The following HEATR4 variants were observed in gnomAD, a reference collection of about 807,000 sequenced individuals.
HEATR4 encodes the protein HEAT repeat-containing protein 4.
A neutral mutation model predicts 108.8 loss-of-function variants in HEATR4; 95 were observed. That is an observed-to-expected ratio of 0.87 (90% CI 0.74 to 1.04). The LOEUF is 1.04. HEATR4 is among the 50% of genes least tolerant of loss of function. The pLI is 0.00. For missense variants in HEATR4, 1,152 were observed against 1,253.8 expected, an observed-to-expected ratio of 0.92 and a Z score of 1.23; for synonymous variants, 443 against 459.4, an observed-to-expected ratio of 0.96 and a Z score of 0.46.
the HEATR4 span, chr14:73,593,957 G>C: frequency 6.7e-7 from 1 of 1,493,366 alleles, no homozygotes; most frequent in African/African-American, 1.4e-5. Context: ...TTTCCATAGA[G>C]AGTGTAACCT....
chr14:73,491,916 G>C, intron 17 of HEATR4: 1 of 1,613,220 alleles, frequency 6.2e-7, no homozygotes, highest in Non-Finnish European at 8.5e-7. Flanking sequence ...CGTCTCCTCT[G>C]TCCGCAGGCT....
At chr14:73,593,902 C>T in the HEATR4 span, 1 of 1,610,468 alleles carries the variant, frequency 6.2e-7, no homozygotes, top group Non-Finnish European at 8.5e-7. Flanking sequence ...TCAACATCCC[C>T]AGGTTCTCCT....
chr14:73,619,926 T>C, the HEATR4 span: 4 of 1,434,268 alleles, frequency 2.8e-6, no homozygotes, highest in Non-Finnish European at 3.7e-6. Flanking sequence ...TCTCTTTTTT[T>C]TTTTTTTTCC....
the HEATR4 span, among the ~76,000 whole-genome samples, chr14:73,598,371 C>A: frequency 7.1e-6 from 1 of 141,372 alleles, no homozygotes; most frequent in African/African-American, 2.6e-5. Flanking sequence ...GCCTGGGCGA[C>A]AGAGCAAGAC....
chr14:73,506,659 C>T, intron 9 of HEATR4, 88 bp from the exon 10 acceptor site: 3 of 995,128 alleles, frequency 3.0e-6, no homozygotes, highest in Non-Finnish European at 4.7e-6. Flanking sequence ...TGGCATCCTG[C>T]ATAATTAATG....
At chr14:73,566,887 T>G in the HEATR4 span, among the ~76,000 whole-genome samples, 2 of 152,144 alleles carry the variant, frequency 1.3e-5, no homozygotes, top group Non-Finnish European at 2.9e-5. Context: ...TCTCACAAGC[T>G]CCACCTCTGG....
the HEATR4 span, among the ~76,000 whole-genome samples, chr14:73,609,042 T>C: frequency 6.6e-6 from 1 of 152,168 alleles, no homozygotes; most frequent in Non-Finnish European, 1.5e-5. Flanking sequence ...CATATGGGGA[T>C]TATGGGAACT....
At chr14:73,528,646 C>T (rs1288383137) in intron 2 of HEATR4, among the ~76,000 whole-genome samples, 1 of 152,046 alleles carries the variant, frequency 6.6e-6, no homozygotes, top group African/African-American at 2.4e-5. Context: ...CTGTAGTTTC[C>T]CAATCTGAAA....
chr14:73,584,377 T>C, the HEATR4 span, among the ~76,000 whole-genome samples: 294 of 152,126 alleles, frequency 1.9e-3, no homozygotes, highest in African/African-American at 7.0e-3. Flanking sequence ...TTCTTTCTTC[T>C]GAGGAGGCAA....
the HEATR4 span, chr14:73,595,876 T>A: frequency 4.8e-6 from 2 of 413,110 alleles, no homozygotes; most frequent in Non-Finnish European, 8.2e-6. Flanking sequence ...GTGAAAAACA[T>A]TCCCACCAGT....
Position 73,500,533 on chromosome 14 carries a change from A to T in HEATR4, c.2286+17T>A, listed in dbSNP as rs1195359677. The T allele has an allele frequency of 4.3e-6, 7 of 1,609,434 alleles. No homozygotes were observed. The highest frequency in any genetic ancestry group is 5.9e-6 in the Non-Finnish European group (7 of 1,177,692). ...CAGGTCAATCAGGTAAGATGAGAAT[A>T]TGTTTCCCTGACTCACCATCTTGTC... is the stretch of plus-strand genomic sequence containing the variant. On this transcript the variant is annotated intron_variant, in intron 12 of 17. Coordinates refer to ENST00000553558, the MANE Select transcript of HEATR4 (RefSeq NM_001220484.1).
At chr14:73,592,208 C>T in the HEATR4 span, 1 of 1,612,490 alleles carries the variant, frequency 6.2e-7, no homozygotes, top group African/African-American at 1.3e-5. Context: ...TGCTCTGGGC[C>T]CTGGAACCCG....
the HEATR4 span, chr14:73,567,869 G>C: frequency 6.6e-6 from 1 of 151,968 alleles, no homozygotes; most frequent in African/African-American, 2.4e-5. Context: ...TCTTGAAGTC[G>C]GTGAGAAGCG....
At chr14:73,491,426 G>A in intron 17 of HEATR4, 2 of 1,353,308 alleles carry the variant, frequency 1.5e-6, no homozygotes, top group Non-Finnish European at 1.9e-6. Context: ...GGAGGTGCCC[G>A]CCGCGCCGGT....
chr14:73,569,177 C>A, the HEATR4 span: 1 of 1,574,998 alleles, frequency 6.3e-7, no homozygotes. Flanking sequence ...CTGGCCTTCC[C>A]CGCTCACGTT....
chr14:73,512,083 ACGT>A lies in HEATR4; in HGVS notation c.1478_1480del (p.Asp493del). 1 of 1,614,092 alleles carries A rather than the reference ACGT, an allele frequency of 6.2e-7. No homozygotes were observed. Among genetic ancestry groups the A allele is most frequent in the Non-Finnish European group, 8.5e-7 (1 of 1,180,012 alleles). ...ACATGTGGTGATAGCTTTGATCCGAACGTCATCATGCAGGTCTCCCAAGCTCTG... is the reference window on the plus strand; with the variant it reads ...ACATGTGGTGATAGCTTTGATCCGAACATCATGCAGGTCTCCCAAGCTCTG... On this transcript the variant is annotated inframe_deletion, in exon 7 of 18. Transcript: ENST00000553558.
upstream of HEATR4, among the ~76,000 whole-genome samples, chr14:73,561,750 G>A (rs570715116): frequency 8.5e-5 from 13 of 152,170 alleles, no homozygotes; most frequent in South Asian, 2.1e-4. Flanking sequence ...TTGGGAGGCC[G>A]AGGTAGGAAG....
chr14:73,561,354 A>C (rs115982615), upstream of HEATR4, among the ~76,000 whole-genome samples: 3,857 of 150,516 alleles, frequency 0.026, 128 homozygotes, highest in African/African-American at 0.09. Context: ...CGACAGAGCG[A>C]GAGTTTATCT....
upstream of HEATR4, among the ~76,000 whole-genome samples, chr14:73,559,571 A>C (rs542532623): frequency 6.6e-6 from 1 of 151,752 alleles, no homozygotes; most frequent in Non-Finnish European, 1.5e-5. Context: ...CTCTACTAAA[A>C]ATAGAAAATT....
Sources: gnomAD v4.1 joint callset for allele counts (sites outside exome capture counted in the v4.1 genomes callset) on GRCh38, gnomAD v4.1.1 for gene constraint, MANE v1.5 for transcripts, NCBI Gene and HGNC (gene_info 2026-07-23, HGNC 2026-07-21) for gene names.